EPHA7: variants seen among roughly 807,000 people sequenced by gnomAD.
The protein encoded by EPHA7 is EPH receptor A7, also known as ephrin type-A receptor 7.
A neutral mutation model predicts 112.6 loss-of-function variants in EPHA7; 25 were observed. The ratio of observed to expected loss-of-function variants is 0.22; its 90% CI spans 0.16 to 0.31. EPHA7 has a LOEUF of 0.31. EPHA7 is among the 10% of genes least tolerant of loss of function. The pLI, the probability that EPHA7 is intolerant of heterozygous loss-of-function variation, is 1.00. For synonymous variants in EPHA7, 437 were observed against 406.5 expected, an observed-to-expected ratio of 1.07 and a Z score of -0.90; for missense variants, 962 against 1,212.6, an observed-to-expected ratio of 0.79 and a Z score of 3.07.
intron 2 of EPHA7, among the ~76,000 whole-genome samples, chr6:93,413,486 C>T (rs192253732): frequency 1.3e-5 from 2 of 152,002 alleles, no homozygotes; most frequent in East Asian, 3.9e-4. Context: ...CTACATCTGT[C>T]ATTGGCAAGA....
At chr6:93,332,747 T>A (rs1053110778) in intron 5 of EPHA7, among the ~76,000 whole-genome samples, 1 of 151,836 alleles carries the variant, frequency 6.6e-6, no homozygotes, top group East Asian at 1.9e-4. Context: ...TAAACTGATA[T>A]GATCAACATC....
chr6:93,314,328 A>G (rs946675754), intron 5 of EPHA7, among the ~76,000 whole-genome samples: 2 of 152,202 alleles, frequency 1.3e-5, no homozygotes, highest in East Asian at 1.9e-4. Context: ...GTATTATTTA[A>G]CTAGCATAGT....
At chr6:93,299,024 C>T (rs1038760499) in intron 5 of EPHA7, among the ~76,000 whole-genome samples, 1 of 152,014 alleles carries the variant, frequency 6.6e-6, no homozygotes, top group Non-Finnish European at 1.5e-5. Flanking sequence ...ATATGGCCAA[C>T]AAGCTTATGA....
At chr6:93,358,490 G>T in intron 3 of EPHA7, 79 bp from the exon 4 acceptor site, 1 of 1,242,728 alleles carries the variant, frequency 8.0e-7, no homozygotes, top group South Asian at 1.7e-5. Context: ...ATTTAGCAAG[G>T]AATCAAATAT....
chr6:93,270,742 CATT>C (rs1771175995), intron 6 of EPHA7, among the ~76,000 whole-genome samples: 1 of 151,686 alleles, frequency 6.6e-6, no homozygotes. Context: ...TGATTGTCCT[CATT>C]ATAATCATTT....
At chr6:93,262,963 A>G (rs750886583) in intron 9 of EPHA7, among the ~76,000 whole-genome samples, 10 of 151,446 alleles carry the variant, frequency 6.6e-5, no homozygotes, top group Admixed American at 5.9e-4. Context: ...AATCTAATAA[A>G]TAACACAACA....
intron 3 of EPHA7, among the ~76,000 whole-genome samples, chr6:93,383,520 A>G (rs1777452768): frequency 6.6e-6 from 1 of 152,086 alleles, no homozygotes; most frequent in Non-Finnish European, 1.5e-5. Flanking sequence ...CACCAACAAA[A>G]TGTATTTCTA....
intron 5 of EPHA7, among the ~76,000 whole-genome samples, chr6:93,342,354 T>C (rs1286756222): frequency 6.6e-6 from 1 of 151,698 alleles, no homozygotes; most frequent in African/African-American, 2.4e-5. Flanking sequence ...AGAAAAACCA[T>C]TAGGACCATA....
intron 5 of EPHA7, among the ~76,000 whole-genome samples, chr6:93,341,647 T>C (rs1775143338): frequency 6.6e-6 from 1 of 151,826 alleles, no homozygotes; most frequent in South Asian, 2.1e-4. Flanking sequence ...CATATAAACC[T>C]TAAATCCTGA....
chr6:93,297,744 C>A (rs1303659845), intron 5 of EPHA7, among the ~76,000 whole-genome samples: 1 of 152,134 alleles, frequency 6.6e-6, no homozygotes, highest in Non-Finnish European at 1.5e-5. Flanking sequence ...AACAGGAACT[C>A]AGTAATTGAG....
intron 15 of EPHA7, among the ~76,000 whole-genome samples, chr6:93,245,686 CAT>C (rs369268179): frequency 1.2e-4 from 19 of 152,074 alleles, no homozygotes; most frequent in African/African-American, 4.1e-4. Flanking sequence ...TTTTGTCTTC[CAT>C]ATGTTTTTAA....
chr6:93,338,379 A>C (rs1774978661), intron 5 of EPHA7, among the ~76,000 whole-genome samples: 1 of 152,062 alleles, frequency 6.6e-6, no homozygotes, highest in African/African-American at 2.4e-5. Flanking sequence ...AAATATATTA[A>C]ATAAGAGAGT....
At chr6:93,252,904 T>G (rs1047136125) in intron 14 of EPHA7, among the ~76,000 whole-genome samples, 5 of 152,038 alleles carry the variant, frequency 3.3e-5, no homozygotes, top group African/African-American at 1.2e-4. Context: ...ATCCTTGGTA[T>G]AGTAAGGCTA....
intron 5 of EPHA7, 123 bp downstream of exon 5, chr6:93,356,594 G>T: frequency 1.1e-6 from 1 of 894,126 alleles, no homozygotes; most frequent in Non-Finnish European, 1.7e-6. Context: ...AGTTAAAGCT[G>T]TAAATAATCA....
chr6:93,319,707 T>C (rs941843076), intron 5 of EPHA7, among the ~76,000 whole-genome samples: 3 of 152,110 alleles, frequency 2.0e-5, no homozygotes, highest in Non-Finnish European at 4.4e-5. Context: ...GTAATCCAGA[T>C]AGGAAATGCT....
At chr6:93,397,498 T>C (rs1012268235) in intron 3 of EPHA7, among the ~76,000 whole-genome samples, 2 of 151,916 alleles carry the variant, frequency 1.3e-5, no homozygotes, top group African/African-American at 4.8e-5. Context: ...TTCTGAAGAA[T>C]ATGCAATGTT....
rs1770364833 is a variant in EPHA7 at position 93,254,819 on chromosome 6, T to C, written c.2383-23A>G. On this transcript the variant is annotated intron_variant, in intron 13 of 16. Transcript: ENST00000369303. ...ACCCTGTTATAAAAAGAAATGAACA[T>C]TTTAAATATGTATAATAACTGATAT... 2.5e-6 allele frequency: 4 copies of C among 1,593,904 alleles called. No individual in the cohort carries two copies. The South Asian group carries it at 4.5e-5, about 18-fold the overall frequency.
At chr6:93,414,598 T>C in intron 2 of EPHA7, 105 bp downstream of exon 2, 1 of 830,452 alleles carries the variant, frequency 1.2e-6, no homozygotes, top group Non-Finnish European at 2.0e-6. Context: ...ATATTTGGAA[T>C]TAAACAGTTT....
In EPHA7 at chr6:93,253,855, T is replaced by C. The variant is rs545813177; in HGVS notation, c.2532+792A>G. Reference sequence around the variant, plus strand: ...TATCTAATTTTCACTCATATTTCAATAGGTTGAACTATAAGTGCTCTTGGC... The same window carrying C: ...TATCTAATTTTCACTCATATTTCAACAGGTTGAACTATAAGTGCTCTTGGC... On this transcript the variant is annotated intron_variant, in intron 14 of 16. Coordinates refer to ENST00000369303, the MANE Select transcript of EPHA7 (RefSeq NM_004440.4). 2.3e-3 allele frequency among the ~76,000 whole-genome samples: 351 copies of C among 152,190 alleles called. 1 individual carries two copies. Among genetic ancestry groups the C allele is most frequent in the African/African-American group, 8.1e-3 (335 of 41,564 alleles).
Sources: allele counts gnomAD v4.1 joint callset (sites outside exome capture counted in the v4.1 genomes callset), GRCh38; gene constraint gnomAD v4.1.1; transcripts MANE v1.5; gene names NCBI Gene and HGNC (gene_info 2026-07-23, HGNC 2026-07-21).